FKBP2: variants seen among roughly 807,000 people sequenced by gnomAD.
FKBP2 encodes the protein peptidyl-prolyl cis-trans isomerase FKBP2.
A neutral mutation model predicts 19.4 loss-of-function variants in FKBP2; 15 were observed. That is an observed-to-expected ratio of 0.77 (90% CI 0.52 to 1.19). The LOEUF (loss-of-function observed/expected upper bound fraction) is 1.19. FKBP2 is among the 50% of genes most tolerant of loss of function. FKBP2 has a pLI of 0.00. For missense variants in FKBP2, 170 were observed against 179.0 expected (o/e 0.95, Z 0.29); for synonymous variants, 76 against 74.8 (o/e 1.02, Z -0.08).
intron 1 of FKBP2, 22 bp from the exon 2 acceptor site, chr11:64,242,362 C>T (rs750749538): frequency 1.1e-5 from 16 of 1,475,960 alleles, no homozygotes; most frequent in African/African-American, 1.0e-4. Context: ...TTCAGTCGGT[C>T]GGTCGGGGTC....
chr11:64,243,183 T>G lies in FKBP2; in HGVS notation c.172-16T>G, dbSNP rs745783324. On this transcript the variant is annotated splice_polypyrimidine_tract_variant and intron_variant, in intron 2 of 5. Coordinates refer to ENST00000309366, the MANE Select transcript of FKBP2 (RefSeq NM_004470.4). Reference sequence around the variant, plus strand: ...GTGGTCCCCTCTTCCTCACTGGCCTTCTCATGGTTCCACAGGGGAAGCTGG... The same window carrying G: ...GTGGTCCCCTCTTCCTCACTGGCCTGCTCATGGTTCCACAGGGGAAGCTGG... 6.2e-7 allele frequency: 1 copy of G among 1,612,514 alleles called. No homozygotes were observed. Among genetic ancestry groups the G allele is most frequent in the South Asian group, 1.1e-5 (1 of 91,020 alleles).
intron 2 of FKBP2, 27 bp from the exon 3 acceptor site, chr11:64,243,172 C>G: frequency 6.2e-7 from 1 of 1,608,062 alleles, no homozygotes; most frequent in Non-Finnish European, 8.5e-7. Context: ...TCCCCTCTTC[C>G]TCACTGGCCT....
At position 64,244,060 on chromosome 11, in the gene FKBP2, C is replaced by A; in HGVS notation, c.*31C>A. The A allele has an allele frequency of 6.2e-7, 1 of 1,610,756 alleles. No individual in the cohort carries two copies. The highest frequency in any genetic ancestry group is 8.5e-7 in the Non-Finnish European group (1 of 1,177,332). ...CTGGGGAGGGGCAGGGGGAGAGGCC[C>A]CCATCAGGGACCAGACTGTTCCAAA... On this transcript the variant is annotated 3_prime_UTR_variant, in exon 6 of 6. Transcript: ENST00000309366.
intron 1 of FKBP2, chr11:64,241,807 G>C (rs1430799140): frequency 1.3e-5 from 2 of 152,618 alleles, no homozygotes; most frequent in Non-Finnish European, 2.9e-5. Context: ...GGGTGCCCCG[G>C]AGACCCCCAA....
At chr11:64,242,178 TG>T (rs1261837939) in intron 1 of FKBP2, 2 of 487,790 alleles carry the variant, frequency 4.1e-6, no homozygotes, top group Admixed American at 4.2e-5. Flanking sequence ...CCCCCGCTGC[TG>T]GGGTCCTCGG....
chr11:64,242,583 G>A, intron 2 of FKBP2, 25 bp downstream of exon 2: 1 of 1,525,634 alleles, frequency 6.6e-7, no homozygotes, highest in Non-Finnish European at 8.8e-7. Flanking sequence ...CGGGCCTTTT[G>A]GGAGTGGGTG....
chr11:64,243,402 GAC>G (rs2030678450), intron 3 of FKBP2, 47 bp from the exon 4 acceptor site: 4 of 1,612,500 alleles, frequency 2.5e-6, no homozygotes, highest in Non-Finnish European at 3.4e-6. Flanking sequence ...AGGGATACAA[GAC>G]AAGGGCCCTG....
chr11:64,243,732 C>T, intron 4 of FKBP2, 109 bp from the exon 5 acceptor site: 2 of 1,469,578 alleles, frequency 1.4e-6, no homozygotes, highest in Non-Finnish European at 1.9e-6. Context: ...TCTCCATTAC[C>T]CTTCTCCATT....
intron 2 of FKBP2, among the ~76,000 whole-genome samples, chr11:64,242,996 C>T (rs1320577607): frequency 1.3e-5 from 2 of 152,148 alleles, no homozygotes; most frequent in Non-Finnish European, 2.9e-5. Flanking sequence ...TGCTTGAACC[C>T]GGGAGGCAGA....
At position 64,243,732 on chromosome 11, in the gene FKBP2, CCTTCTCCATTTCT is replaced by C. The variant is rs1324268447; in HGVS notation, c.332-108_332-96del. The C allele has an allele frequency of 2.0e-6, 3 of 1,469,578 alleles. No homozygotes were observed. The Admixed American group carries it at 5.1e-5, about 25-fold the overall frequency. The allele number at this position is 1,469,578 out of a possible 1,614,324, so 91.0% of individuals were successfully genotyped here. ...GGCACCCCCTTCCCATCTCCATTAC[CCTTCTCCATTTCT>C]GGCCTTCTTGCTGAGAGGGGCGGAA... On this transcript the variant is annotated intron_variant, in intron 4 of 5. Coordinates refer to ENST00000309366, the MANE Select transcript of FKBP2 (RefSeq NM_004470.4).
In FKBP2 at chr11:64,243,153, CA is replaced by C. The variant is rs1271433427; in HGVS notation, c.172-45del. On this transcript the variant is annotated intron_variant, in intron 2 of 5. Transcript: ENST00000309366. The stretch of plus-strand genomic sequence containing the variant: ...GGAAAGCAGCTGAGGGAGGGGGTGT[CA>C]GGGGTGGTCCCCTCTTCCTCACTGG... 5.1e-6 allele frequency: 8 copies of C among 1,553,960 alleles called. No homozygotes were observed. The East Asian group carries it at 1.6e-4, about 31-fold the overall frequency.
intron 1 of FKBP2, 150 bp from the exon 2 acceptor site, chr11:64,242,234 C>CG (rs1488151405): frequency 1.4e-6 from 1 of 739,100 alleles, no homozygotes; most frequent in Non-Finnish European, 2.0e-6. Flanking sequence ...CCCCGGAGCC[C>CG]GGGGGAGAGG....
Position 64,243,220 on chromosome 11 carries a change from G to C in FKBP2, c.193G>C (p.Glu65Gln), listed in dbSNP as rs2030658038. The C allele has an allele frequency of 1.2e-6, 2 of 1,613,666 alleles. No individual in the cohort carries two copies. The highest frequency in any genetic ancestry group is 2.7e-5 in the African/African-American group (2 of 75,052). The change falls in exon 3 of 6, where the codon GAG becomes CAG. Residue 65 changes from glutamate (E) to glutamine (Q), a missense_variant. By Grantham distance (29) the Glu-to-Gln change is conservative (BLOSUM62 2). Coordinates refer to ENST00000309366, the MANE Select transcript of FKBP2 (RefSeq NM_004470.4). The stretch of plus-strand genomic sequence containing the variant: ...ACAGGGGAAGCTGGAAGATGGGACA[G>C]AGTTTGACAGCAGCCTGCCCCAGAA... ...HYTGKLEDGT[E>Q]FDSSLPQNQP... is the part of the protein sequence containing the mutation.
rs1196069705 is a variant in FKBP2 at position 64,244,081 on chromosome 11, C to A, written c.*52C>A. 1 of 1,544,038 alleles carries A rather than the reference C, an allele frequency of 6.5e-7. No homozygotes were observed. The highest frequency in any genetic ancestry group is 8.9e-7 in the Non-Finnish European group (1 of 1,128,698). ...GGCCCCCATCAGGGACCAGACTGTT[C>A]CAAAAAAAAAACAAAAAACAAAAAC... On this transcript the variant is annotated 3_prime_UTR_variant, in exon 6 of 6. Coordinates refer to ENST00000309366, the MANE Select transcript of FKBP2 (RefSeq NM_004470.4).
chr11:64,242,255 G>C, intron 1 of FKBP2, 129 bp from the exon 2 acceptor site: 2 of 945,444 alleles, frequency 2.1e-6, no homozygotes, highest in South Asian at 4.4e-5. Flanking sequence ...GCGGTGACCC[G>C]GGACAAAGGG....
rs2030677254 is a variant in FKBP2 at position 64,243,394 on chromosome 11, G to C, written c.285-57G>C. On this transcript the variant is annotated intron_variant, in intron 3 of 5. Coordinates refer to ENST00000309366, the MANE Select transcript of FKBP2 (RefSeq NM_004470.4). The stretch of plus-strand genomic sequence containing the variant: ...GTAAGCTGTGGGAGGCAAGCCCCAG[G>C]GATACAAGACAAGGGCCCTGGGTGC... The C allele has an allele frequency of 1.1e-4, 175 of 1,611,204 alleles. 1 individual carries two copies. The South Asian group carries it at 1.9e-3, about 17-fold the overall frequency.
At chr11:64,241,819 G>A (rs1330001716) in intron 1 of FKBP2, 1 of 152,864 alleles carries the variant, frequency 6.5e-6, no homozygotes. Context: ...GACCCCCAAG[G>A]GCTCAGAGTT....
intron 4 of FKBP2, 101 bp from the exon 5 acceptor site, chr11:64,243,740 A>G: frequency 6.6e-7 from 1 of 1,514,756 alleles, no homozygotes; most frequent in African/African-American, 1.4e-5. Flanking sequence ...ACCCTTCTCC[A>G]TTTCTGGCCT....
At chr11:64,243,357 A>G (rs747909074) in intron 3 of FKBP2, 46 bp downstream of exon 3, 7 of 1,598,456 alleles carry the variant, frequency 4.4e-6, no homozygotes, top group Non-Finnish European at 6.0e-6. Context: ...GTGCATGGCC[A>G]CCGCCCAGGA....
Sources: gnomAD v4.1 joint callset for allele counts (sites outside exome capture counted in the v4.1 genomes callset) on GRCh38, gnomAD v4.1.1 for gene constraint, MANE v1.5 for transcripts, NCBI Gene and HGNC (gene_info 2026-07-23, HGNC 2026-07-21) for gene names.